The following COL5A1 variants were observed in gnomAD, a reference collection of about 807,000 sequenced individuals.
COL5A1 encodes the protein collagen type V alpha 1 chain.
In COL5A1, 16 loss-of-function variants were observed where a neutral mutation model predicts 263.7. The ratio of observed to expected loss-of-function variants is 0.06; its 90% CI spans 0.04 to 0.09. The LOEUF (loss-of-function observed/expected upper bound fraction) is 0.09. COL5A1 is among the 10% of genes least tolerant of loss of function. The pLI, the probability that COL5A1 is intolerant of heterozygous loss-of-function variation, is 1.00. For synonymous variants in COL5A1, 1,012 were observed against 1,004.5 expected (o/e 1.01, Z -0.14); for missense variants, 2,036 against 2,540.5 (o/e 0.80, Z 4.27).
chr9:134,759,327 T>A (rs1836131034), intron 18 of COL5A1, among the ~76,000 whole-genome samples: 2 of 109,466 alleles, frequency 1.8e-5, no homozygotes, highest in Non-Finnish European at 3.5e-5. Context: ...CATACACACA[T>A]GCACACAAGC....
intron 63 of COL5A1, among the ~76,000 whole-genome samples, chr9:134,828,436 CCACACACACACA>C (rs59261059): frequency 2.7e-5 from 4 of 150,762 alleles, no homozygotes; most frequent in Non-Finnish European, 5.9e-5. Context: ...GAAGGTTCTA[CCACACACACACA>C]CACACACGCA....
intron 32 of COL5A1, among the ~76,000 whole-genome samples, chr9:134,790,899 C>T (rs763567587): frequency 2.0e-5 from 3 of 152,086 alleles, no homozygotes; most frequent in East Asian, 1.9e-4. Context: ...AGGATATGGC[C>T]TTCTGCAGCT....
In COL5A1 at chr9:134,798,431, C is replaced by T. The variant is rs1029425439; in HGVS notation, c.2922C>T (p.Leu974=). The change falls in exon 37 of 66, where the codon CTC becomes CTT. Residue 974 remains leucine (L), a synonymous_variant. Coordinates refer to ENST00000371817, the MANE Select transcript of COL5A1 (RefSeq NM_000093.5). ...AGGGCCCTCCAGGCAAGGATGGACTCCCAGGACACCCTGGACAGAGAGGCG... is the reference window on the plus strand; with the variant it reads ...AGGGCCCTCCAGGCAAGGATGGACTTCCAGGACACCCTGGACAGAGAGGCG... The part of the protein sequence containing the change: ...GPPGPPGKDG[L]PGHPGQRGET... 1.2e-6 allele frequency: 2 copies of T among 1,614,030 alleles called. No individual in the cohort carries two copies. The highest frequency in any genetic ancestry group is 8.5e-7 in the Non-Finnish European group (1 of 1,180,000).
rs1339929565 is a variant in COL5A1, at chr9:134,647,303, C to G, written c.109+5007C>G. On this transcript the variant is annotated intron_variant, in intron 1 of 65. Coordinates refer to ENST00000371817, the MANE Select transcript of COL5A1 (RefSeq NM_000093.5). The surrounding 1 kb of genome is among the most constrained non-coding windows in gnomAD (Gnocchi z 5.0). ...ATTGTCCAGGCCGTGGGGTGTGATG[C>G]ATGTGAAAAGCTTTAGAAGCCAATT... 2.0e-5 allele frequency among the ~76,000 whole-genome samples: 3 copies of G among 152,086 alleles called. No individual in the cohort carries two copies. The highest frequency in any genetic ancestry group is 4.4e-5 in the Non-Finnish European group (3 of 68,022).
In COL5A1 at chr9:134,767,047, C is replaced by A. The variant is rs201298716; in HGVS notation, c.2181C>A (p.Gly727=). Residue 727 remains glycine, a synonymous_variant, in exon 23 of 66, where the codon GGC becomes GGA. Coordinates refer to ENST00000371817, the MANE Select transcript of COL5A1 (RefSeq NM_000093.5). ...CCCCAGGACAGCAGGGTAATCCAGG[C>A]GCCCAGGTAAGTGAGCCTGAGAGAG... is the stretch of plus-strand genomic sequence containing the variant. ...PGPPGQQGNP[G]AQGLPGPQGA... 6.2e-7 allele frequency: 1 copy of A among 1,613,466 alleles called. No homozygotes were observed. The highest frequency in any genetic ancestry group is 1.7e-5 in the Admixed American group (1 of 59,978).
chr9:134,840,490 T>G (rs997506516), intron 65 of COL5A1, among the ~76,000 whole-genome samples: 1 of 152,214 alleles, frequency 6.6e-6, no homozygotes, highest in East Asian at 1.9e-4. Context: ...CCATTGCTTG[T>G]AATCAACTAG....
intron 65 of COL5A1, among the ~76,000 whole-genome samples, chr9:134,839,907 G>A (rs1839967676): frequency 6.6e-6 from 1 of 152,250 alleles, no homozygotes; most frequent in South Asian, 2.1e-4. Context: ...CCCCAGGCGG[G>A]CTTGTGGGAC....
chr9:134,741,571 G>A lies in COL5A1; in HGVS notation c.1494+2763G>A, dbSNP rs1835304549. Reference sequence around the variant, plus strand: ...GGCTGGCCTCCCTCTCAGGTGATAAGGGGCGCTCTCCAAATCCTGGTACAG... The same window carrying A: ...GGCTGGCCTCCCTCTCAGGTGATAAAGGGCGCTCTCCAAATCCTGGTACAG... On this transcript the variant is annotated intron_variant, in intron 11 of 65. Transcript: ENST00000371817. The surrounding 1 kb of genome is among the most constrained non-coding windows in gnomAD (Gnocchi z 4.5). Among the ~76,000 whole-genome samples, 1 of 152,080 alleles carries A rather than the reference G, an allele frequency of 6.6e-6. No individual in the cohort carries two copies. The highest frequency in any genetic ancestry group is 2.1e-4 in the South Asian group (1 of 4,812).
intron 1 of COL5A1, 25 bp from the exon 2 acceptor site, chr9:134,690,887 C>T (rs370880806): frequency 1.8e-4 from 291 of 1,613,168 alleles, no homozygotes; most frequent in Non-Finnish European, 2.3e-4. Context: ...CCGTGGCTAA[C>T]TCTGCTCCTC....
rs182554758 is a variant in COL5A1 at position 134,783,650 on chromosome 9, G to A, written c.2484+930G>A. The stretch of plus-strand genomic sequence containing the variant: ...GCCGCAGTCATCCCCCTGCAGCACC[G>A]GCTCGCAGGTGGCTTTCCAGAACAG... On this transcript the variant is annotated intron_variant, in intron 29 of 65. Coordinates refer to ENST00000371817, the MANE Select transcript of COL5A1 (RefSeq NM_000093.5). 5.9e-5 allele frequency among the ~76,000 whole-genome samples: 9 copies of A among 152,228 alleles called. No individual in the cohort carries two copies. In the East Asian group the frequency reaches 1.4e-3, roughly 23 times the overall value.
At position 134,835,142 on chromosome 9, in the gene COL5A1, A is replaced by G. The variant is rs2132926010; in HGVS notation, c.5308A>G (p.Asn1770Asp). ...YDKALRFLGS[N>D]DEEMSYDNNP... ...CAAGGCCCTCCGCTTCCTGGGCTCC[A>G]ACGACGAGGAGATGTCCTATGACAA... The change falls in exon 65 of 66, where the codon AAC becomes GAC. Residue 1770 changes from asparagine (N) to aspartate (D), a missense_variant. Asn to Asp is a conservative substitution (Grantham distance 23). This residue lies in a region of COL5A1 where 358 missense variants were observed against 384.6 expected (regional missense o/e 0.93). Coordinates refer to ENST00000371817, the MANE Select transcript of COL5A1 (RefSeq NM_000093.5). 6.2e-7 allele frequency: 1 copy of G among 1,613,846 alleles called. No individual in the cohort carries two copies. The highest frequency in any genetic ancestry group is 8.5e-7 in the Non-Finnish European group (1 of 1,180,030).
chr9:134,734,584 A>T, intron 9 of COL5A1, among the ~76,000 whole-genome samples: 1 of 152,160 alleles, frequency 6.6e-6, no homozygotes, highest in East Asian at 1.9e-4. Context: ...CTCTTGGGAG[A>T]TGCATCTGTT....
chr9:134,825,902 G>T lies in COL5A1; in HGVS notation c.5065G>T (p.Gly1689Trp). The T allele has an allele frequency of 6.2e-7, 1 of 1,607,952 alleles. No individual in the cohort carries two copies. Among genetic ancestry groups the T allele is most frequent in the Non-Finnish European group, 8.5e-7 (1 of 1,174,960 alleles). ...TCVFPDKKSE[G>W]ARITSWPKEN... is the part of the protein sequence containing the mutation. Reference sequence around the variant, plus strand: ...CGTCTTCCCTGACAAGAAGTCCGAAGGGGTGAGTAGCTGTGTCCCTCCATG... The same window carrying T: ...CGTCTTCCCTGACAAGAAGTCCGAATGGGTGAGTAGCTGTGTCCCTCCATG... The change falls in exon 63 of 66, where the codon GGG becomes TGG. Residue 1689 changes from glycine (G) to tryptophan (W), a missense_variant and splice_region_variant. By Grantham distance (184) the Gly-to-Trp change is radical (BLOSUM62 -2). Transcript: ENST00000371817.
intron 64 of COL5A1, among the ~76,000 whole-genome samples, chr9:134,833,326 G>C (rs1839722434): frequency 6.6e-6 from 1 of 152,232 alleles, no homozygotes; most frequent in Non-Finnish European, 1.5e-5. Flanking sequence ...CTTGCACCTG[G>C]TGGAGCTGAG....
chr9:134,748,418 C>T, intron 11 of COL5A1, among the ~76,000 whole-genome samples: 1 of 152,176 alleles, frequency 6.6e-6, no homozygotes, highest in Non-Finnish European at 1.5e-5. Context: ...CACATACATG[C>T]ACACACACTT....
In COL5A1 at chr9:134,642,263, CTG is replaced by C; in HGVS notation, c.77_78del (p.Leu26ProfsTer27). The C allele has an allele frequency of 8.1e-7, 1 of 1,239,944 alleles. No individual in the cohort carries two copies. Among genetic ancestry groups the C allele is most frequent in the Non-Finnish European group, 1.0e-6 (1 of 985,100 alleles). 76.8% of individuals were successfully genotyped at this position (1,239,944 alleles called of 1,614,324 possible). On this transcript the variant is annotated frameshift_variant, in exon 1 of 66. Transcript: ENST00000371817. LOFTEE classifies it high-confidence loss of function. This position sits in a 1 kb window ranked among gnomAD's most constrained non-coding sequence, Gnocchi z 4.5. ...GAPLLPPLLL[L>X]LLWAPPPSRA... ...CCCGCTGCTGCCCCCGCTGCTGCTG[CTG>C]CTGCTGTGGGCGCCGCCTCCGAGCC...
Position 134,811,534 on chromosome 9 carries a change from T to C in COL5A1, c.3625T>C (p.Phe1209Leu). 1 of 1,598,668 alleles carries C rather than the reference T, an allele frequency of 6.3e-7. No homozygotes were observed. Among genetic ancestry groups the C allele is most frequent in the South Asian group, 1.1e-5 (1 of 89,698 alleles). Residue 1209 changes from phenylalanine to leucine, a missense_variant, in exon 46 of 66, where the codon TTC (phenylalanine) becomes CTC (leucine). This residue lies in a region of COL5A1 where 1,078 missense variants were observed against 1,521.4 expected (regional missense o/e 0.71). Transcript: ENST00000371817. The part of the protein sequence containing the change: ...EPGPRGQQGL[F>L]GQKGDEGPRG... ...GGGGCCTCGGGGCCAGCAGGGCCTT[T>C]TCGGGCAGAAAGGTGATGAAGGTCC...
chr9:134,721,729 G>C (rs1834468233), intron 4 of COL5A1, among the ~76,000 whole-genome samples: 1 of 152,236 alleles, frequency 6.6e-6, no homozygotes, highest in African/African-American at 2.4e-5. Context: ...AGCTCGTGCA[G>C]CCATGGGGCT....
At chr9:134,713,967 C>T (rs1834156756) in intron 4 of COL5A1, among the ~76,000 whole-genome samples, 1 of 152,200 alleles carries the variant, frequency 6.6e-6, no homozygotes, top group Admixed American at 6.5e-5. Context: ...TCTCCTCCTC[C>T]AGGCCCAGCT....
Sources: allele counts gnomAD v4.1 joint callset (sites outside exome capture counted in the v4.1 genomes callset), GRCh38; gene constraint gnomAD v4.1.1; regional missense constraint gnomAD v4.1.1; non-coding constraint Gnocchi (gnomAD v3.1); transcripts MANE v1.5; gene names NCBI Gene and HGNC (gene_info 2026-07-23, HGNC 2026-07-21).